FAM209A: variants seen among roughly 807,000 people sequenced by gnomAD.
FAM209A encodes protein FAM209A.
In FAM209A, 4 loss-of-function variants were observed where a neutral mutation model predicts 9.8. That is an observed-to-expected ratio of 0.41 (90% CI 0.20 to 0.94). FAM209A has a LOEUF of 0.94. FAM209A is among the 40% of genes least tolerant of loss of function. FAM209A has a pLI of 0.32. For missense variants in FAM209A, 205 were observed against 209.4 expected (o/e 0.98, Z 0.13); for synonymous variants, 55 against 77.8 (o/e 0.71, Z 1.54).
At chr20:56,529,999 C>T (rs558661116), downstream of FAM209A, among the ~76,000 whole-genome samples, 62 of 152,210 alleles carry the variant, frequency 4.1e-4, no homozygotes, top group African/African-American at 1.3e-3. Flanking sequence ...CCAGCCTGGG[C>T]GACACAGCAA....
At chr20:56,527,952 C>T (rs975574186), downstream of FAM209A, among the ~76,000 whole-genome samples, 1 of 152,014 alleles carries the variant, frequency 6.6e-6, no homozygotes, top group Non-Finnish European at 1.5e-5. Flanking sequence ...ATCAAAAATA[C>T]AAAAATTAGC....
rs755486834 is a variant in FAM209A at position 56,524,934 on chromosome 20, T to C, written c.126T>C (p.Phe42=). The change falls in exon 1 of 2, where the codon TTT becomes TTC. Residue 42 remains phenylalanine (F), a synonymous_variant. Transcript: ENST00000371328. ...PQGKVQYGEH[F]RIRQNLPEHT... is the part of the protein sequence containing the mutation. ...GGAAGGTGCAATACGGAGAGCACTTTCGGATTCGGCAGAATCTACCAGAGC... is the reference window on the plus strand; with the variant it reads ...GGAAGGTGCAATACGGAGAGCACTTCCGGATTCGGCAGAATCTACCAGAGC... The C allele has an allele frequency of 6.2e-7, 1 of 1,614,210 alleles. No individual in the cohort carries two copies. Among genetic ancestry groups the C allele is most frequent in the South Asian group, 1.1e-5 (1 of 91,086 alleles).
At position 56,526,065 on chromosome 20, in the gene FAM209A, A is replaced by G; in HGVS notation, c.511A>G (p.Ser171Gly). The G allele has an allele frequency of 6.3e-7, 1 of 1,593,692 alleles. No homozygotes were observed. Among genetic ancestry groups the G allele is most frequent in the Non-Finnish European group, 8.6e-7 (1 of 1,169,468 alleles). The part of the protein sequence containing the change: ...ICEIWGEESS[S>G] ...TGAAATATGGGGAGAAGAAAGCTCT[A>G]GCTGAATGGATTTGTGTGTCAGGAG... The change falls in exon 2 of 2, where the codon AGC becomes GGC. Residue 171 changes from serine to glycine, a missense_variant. Coordinates refer to ENST00000371328, the MANE Select transcript of FAM209A (RefSeq NM_001012971.4).
rs779149821 is a variant in FAM209A at position 56,525,048 on chromosome 20, G to C, written c.240G>C (p.Glu80Asp). 4 of 1,614,114 alleles carry C rather than the reference G, an allele frequency of 2.5e-6. No individual in the cohort carries two copies. Among genetic ancestry groups the C allele is most frequent in the Middle Eastern group, 1.7e-4 (1 of 6,060 alleles). ...TACTGCAGTGTCAAAGAGACAGTGA[G>C]AAGAATAAGGTAAGGATGGCTCCAT... ...FVILQCQRDS[E>D]KNKEQSPPGL... Residue 80 changes from glutamate (E) to aspartate (D), a missense_variant, in exon 1 of 2, where the codon GAG becomes GAC. Transcript: ENST00000371328.
downstream of FAM209A, among the ~76,000 whole-genome samples, chr20:56,528,606 A>C (rs1170933722): frequency 6.6e-6 from 1 of 151,914 alleles, no homozygotes; most frequent in East Asian, 1.9e-4. Flanking sequence ...GTGTCCAAAA[A>C]AAAAAGTTGG....
the FAM209A span, chr20:56,533,327 C>G: frequency 8.7e-6 from 14 of 1,613,000 alleles, no homozygotes; most frequent in Non-Finnish European, 1.2e-5. Context: ...ACTCCCTTCC[C>G]CATCTCTGCT....
chr20:56,526,934 A>G (rs1985552991), downstream of FAM209A, among the ~76,000 whole-genome samples: 1 of 152,188 alleles, frequency 6.6e-6, no homozygotes, highest in Non-Finnish European at 1.5e-5. Flanking sequence ...ACGGAGAAAA[A>G]TTCATTCATC....
downstream of FAM209A, among the ~76,000 whole-genome samples, chr20:56,527,680 C>T (rs1057402412): frequency 2.0e-5 from 3 of 152,198 alleles, no homozygotes; most frequent in African/African-American, 4.8e-5. Context: ...GCAGCAGAAG[C>T]AGGAGAGGGA....
At chr20:56,532,614 G>C in the FAM209A span, among the ~76,000 whole-genome samples, 2 of 150,906 alleles carry the variant, frequency 1.3e-5, no homozygotes, top group African/African-American at 4.9e-5. Context: ...CTCCCAAGTA[G>C]CTGAGACTAC....
At chr20:56,530,552 C>G (rs1489774155), downstream of FAM209A, among the ~76,000 whole-genome samples, 1 of 152,044 alleles carries the variant, frequency 6.6e-6, no homozygotes, top group Admixed American at 6.6e-5. Flanking sequence ...GGTTATAGTG[C>G]AATGGCATCA....
At chr20:56,531,454 A>G in the FAM209A span, among the ~76,000 whole-genome samples, 1 of 150,984 alleles carries the variant, frequency 6.6e-6, no homozygotes, top group African/African-American at 2.4e-5. Context: ...ATGCACCACC[A>G]TGCCCAGCTA....
chr20:56,526,647 TAA>T (rs963885939), downstream of FAM209A, among the ~76,000 whole-genome samples: 5 of 142,618 alleles, frequency 3.5e-5, no homozygotes, highest in African/African-American at 5.1e-5. Flanking sequence ...TAATTGGATT[TAA>T]AAAAAAAAAA....
chr20:56,529,334 A>G (rs544056384), downstream of FAM209A, among the ~76,000 whole-genome samples: 2 of 151,700 alleles, frequency 1.3e-5, no homozygotes, highest in African/African-American at 4.8e-5. Context: ...CTGGCCAACA[A>G]GGTGAAACCC....
At chr20:56,531,136 C>T (rs1423586221), downstream of FAM209A, among the ~76,000 whole-genome samples, 2 of 152,114 alleles carry the variant, frequency 1.3e-5, no homozygotes, top group Non-Finnish European at 2.9e-5. Context: ...TTGGGGGATT[C>T]AGCCCCTTCC....
the FAM209A span, among the ~76,000 whole-genome samples, chr20:56,531,849 C>T: frequency 6.6e-6 from 1 of 151,462 alleles, no homozygotes; most frequent in East Asian, 1.9e-4. Flanking sequence ...TGGTCTGGAA[C>T]TCCTCCTGAC....
At chr20:56,529,595 G>A (rs559490667), downstream of FAM209A, among the ~76,000 whole-genome samples, 5 of 152,118 alleles carry the variant, frequency 3.3e-5, no homozygotes, top group East Asian at 3.9e-4. Context: ...TTGGGAGGCC[G>A]AGACAGGTGA....
the FAM209A span, among the ~76,000 whole-genome samples, chr20:56,532,003 C>T: frequency 7.6e-6 from 1 of 131,628 alleles, no homozygotes; most frequent in Admixed American, 8.4e-5. Context: ...GAGACTGAGC[C>T]CTGCTCTGTT....
the FAM209A span, among the ~76,000 whole-genome samples, chr20:56,531,465 A>AT: frequency 6.7e-6 from 1 of 149,304 alleles, no homozygotes; most frequent in Admixed American, 6.7e-5. Flanking sequence ...TGCCCAGCTA[A>AT]TTTTTTTGTA....
chr20:56,531,562 A>C, the FAM209A span, among the ~76,000 whole-genome samples: 3 of 151,850 alleles, frequency 2.0e-5, no homozygotes, highest in African/African-American at 7.3e-5. Context: ...CACCCTCCCA[A>C]GGTGCTGGGA....
Sources: gnomAD v4.1 joint callset for allele counts (sites outside exome capture counted in the v4.1 genomes callset) on GRCh38, gnomAD v4.1.1 for gene constraint, MANE v1.5 for transcripts, NCBI Gene and HGNC (gene_info 2026-07-23, HGNC 2026-07-21) for gene names.